SPAG16: variants seen among roughly 807,000 people sequenced by gnomAD.
SPAG16 encodes the protein sperm-associated antigen 16 protein.
In SPAG16, 86 loss-of-function variants were observed where a neutral mutation model predicts 80.4. The ratio of observed to expected loss-of-function variants is 1.07; its 90% CI spans 0.90 to 1.28. The LOEUF (loss-of-function observed/expected upper bound fraction) is 1.28, where lower values mean the gene tolerates loss of function less well. Ranked by LOEUF, SPAG16 falls within the 50% of genes most tolerant of loss-of-function variation. SPAG16 has a pLI of 0.00. For synonymous variants in SPAG16, 294 were observed against 265.9 expected (o/e 1.11, Z -1.03); for missense variants, 870 against 765.3 (o/e 1.14, Z -1.61).
intron 10 of SPAG16, among the ~76,000 whole-genome samples, chr2:213,517,635 G>T (rs1039914454): frequency 2.6e-5 from 4 of 152,196 alleles, no homozygotes; most frequent in African/African-American, 9.6e-5. Context: ...GAACAGAATA[G>T]AATAGAAAAC....
intron 10 of SPAG16, among the ~76,000 whole-genome samples, chr2:213,847,883 A>T (rs2074711277): frequency 6.6e-6 from 1 of 152,194 alleles, no homozygotes; most frequent in South Asian, 2.1e-4. Context: ...ACACACACAC[A>T]CAGACATATA....
intron 15 of SPAG16, among the ~76,000 whole-genome samples, chr2:214,182,402 GA>G (rs907112453): frequency 3.8e-4 from 58 of 151,828 alleles, no homozygotes; most frequent in African/African-American, 1.4e-3. Context: ...AAATTGATGT[GA>G]ATAATGAACA....
chr2:213,803,790 C>G (rs931607654), intron 10 of SPAG16, among the ~76,000 whole-genome samples: 56 of 152,240 alleles, frequency 3.7e-4, no homozygotes, highest in African/African-American at 1.3e-3. Flanking sequence ...CAGGCTGGAG[C>G]ACGGTGGTGC....
chr2:214,043,396 G>A (rs1159255640), intron 13 of SPAG16, among the ~76,000 whole-genome samples: 1 of 152,118 alleles, frequency 6.6e-6, no homozygotes, highest in Non-Finnish European at 1.5e-5. Context: ...TTAGCAAGGA[G>A]GTAGAATGGG....
In SPAG16 at chr2:214,410,226, G is replaced by C. The variant is rs775849221; in HGVS notation, c.1807G>C (p.Glu603Gln). Reference sequence around the variant, plus strand: ...GGAGATTCACAAATTGATGGGCCACGAAAACGAGGCACACACGGTTGTGTT... The same window carrying C: ...GGAGATTCACAAATTGATGGGCCACCAAAACGAGGCACACACGGTTGTGTT... ...SGEIHKLMGH[E>Q]NEAHTVVFSH... The change falls in exon 16 of 16, where the codon GAA becomes CAA. Residue 603 changes from glutamate (E) to glutamine (Q), a missense_variant. Transcript: ENST00000331683. The C allele has an allele frequency of 1.9e-6, 3 of 1,613,508 alleles. No individual in the cohort carries two copies. The South Asian group carries it at 3.3e-5, about 18-fold the overall frequency.
At position 213,862,524 on chromosome 2, in the gene SPAG16, T is replaced by C. The variant is rs1436809051; in HGVS notation, c.1110T>C (p.Cys370=). Reference sequence around the variant, plus strand: ...CCCACAAAGACATCCTAGTCTCCTGTGGCGAGGACCGACTCTGGAAGGTGT... The same window carrying C: ...CCCACAAAGACATCCTAGTCTCCTGCGGCGAGGACCGACTCTGGAAGGTGT... ...MQPHKDILVS[C]GEDRLWKVLG... The change falls in exon 11 of 16, where the codon TGT becomes TGC. Residue 370 remains cysteine, a synonymous_variant. Coordinates refer to ENST00000331683, the MANE Select transcript of SPAG16 (RefSeq NM_024532.5). 1.9e-6 allele frequency: 3 copies of C among 1,614,054 alleles called. No homozygotes were observed. In the African/African-American group the frequency reaches 4.0e-5, roughly 22 times the overall value.
intron 15 of SPAG16, among the ~76,000 whole-genome samples, chr2:214,268,503 A>G (rs137872776): frequency 2.0e-5 from 3 of 152,076 alleles, no homozygotes; most frequent in Non-Finnish European, 4.4e-5. Context: ...TGACAACATG[A>G]ATGCAACTAA....
chr2:213,300,433 G>T (rs1409759204), intron 3 of SPAG16, among the ~76,000 whole-genome samples: 1 of 152,094 alleles, frequency 6.6e-6, no homozygotes, highest in Non-Finnish European at 1.5e-5. Flanking sequence ...AGATCTTTTG[G>T]GGTCCCCAAG....
chr2:213,900,252 T>C (rs1277370635), intron 11 of SPAG16, among the ~76,000 whole-genome samples: 1 of 152,098 alleles, frequency 6.6e-6, no homozygotes, highest in African/African-American at 2.4e-5. Flanking sequence ...GATTTTTCAC[T>C]GCAAGAATGG....
intron 14 of SPAG16, among the ~76,000 whole-genome samples, chr2:214,114,641 C>T (rs1028848851): frequency 2.6e-5 from 4 of 152,198 alleles, no homozygotes; most frequent in South Asian, 2.1e-4. Flanking sequence ...CCTTGTCTGC[C>T]GGTTGCTAAG....
intron 7 of SPAG16, among the ~76,000 whole-genome samples, chr2:213,358,939 T>G (rs2125094310): frequency 6.6e-6 from 1 of 152,258 alleles, no homozygotes; most frequent in Admixed American, 6.5e-5. Context: ...TCAGATGGGG[T>G]TTTGATGTGG....
chr2:213,983,030 G>A (rs2045838684), intron 12 of SPAG16, among the ~76,000 whole-genome samples: 1 of 151,722 alleles, frequency 6.6e-6, no homozygotes, highest in Non-Finnish European at 1.5e-5. Context: ...AAATCACATT[G>A]TCTTCCATAT....
chr2:213,895,942 A>C (rs532039330), intron 11 of SPAG16, among the ~76,000 whole-genome samples: 1 of 152,240 alleles, frequency 6.6e-6, no homozygotes, highest in African/African-American at 2.4e-5. Flanking sequence ...AAAAATGAAA[A>C]GAAAAACCAG....
chr2:213,980,012 A>G (rs1330409557), intron 12 of SPAG16, among the ~76,000 whole-genome samples: 2 of 151,774 alleles, frequency 1.3e-5, no homozygotes, highest in African/African-American at 4.8e-5. Context: ...ATAAACATGT[A>G]TGGCATTGCC....
At chr2:213,476,718 C>G (rs1254082953) in intron 9 of SPAG16, among the ~76,000 whole-genome samples, 1 of 152,184 alleles carries the variant, frequency 6.6e-6, no homozygotes, top group Admixed American at 6.5e-5. Context: ...ACTCCCATAG[C>G]TCAGTGAGCA....
intron 15 of SPAG16, among the ~76,000 whole-genome samples, chr2:214,177,668 T>G (rs1311402504): frequency 1.3e-5 from 2 of 150,654 alleles, no homozygotes; most frequent in East Asian, 3.9e-4. Context: ...GAAGTTATAT[T>G]TGCTTTCCGT....
chr2:214,003,387 T>C (rs1360285236), intron 12 of SPAG16, among the ~76,000 whole-genome samples: 1 of 152,206 alleles, frequency 6.6e-6, no homozygotes, highest in Admixed American at 6.5e-5. Flanking sequence ...TGATCTAAGT[T>C]CCTCAGTTGA....
intron 10 of SPAG16, among the ~76,000 whole-genome samples, chr2:213,754,573 G>A (rs1199319462): frequency 3.9e-5 from 6 of 152,096 alleles, no homozygotes; most frequent in African/African-American, 1.4e-4. Flanking sequence ...ACATATGACA[G>A]CTTATGAGAT....
chr2:213,979,632 C>T (rs759473324), intron 12 of SPAG16, among the ~76,000 whole-genome samples: 7 of 151,948 alleles, frequency 4.6e-5, no homozygotes, highest in African/African-American at 1.2e-4. Context: ...TGGGGGAAAC[C>T]GCCTCCCTGA....
Sources: gnomAD v4.1 joint callset for allele counts (sites outside exome capture counted in the v4.1 genomes callset) on GRCh38, gnomAD v4.1.1 for gene constraint, MANE v1.5 for transcripts, NCBI Gene and HGNC (gene_info 2026-07-23, HGNC 2026-07-21) for gene names.